WWOX: variants seen among roughly 807,000 people sequenced by gnomAD.
WWOX encodes WW domain-containing oxidoreductase.
In WWOX, 69 loss-of-function variants were observed where a neutral mutation model predicts 46.2. The observed-to-expected ratio is 1.49, with a 90% CI of 1.23 to 1.82. The LOEUF (loss-of-function observed/expected upper bound fraction) is 1.82, where lower values mean the gene tolerates loss of function less well. Ranked by LOEUF, WWOX falls within the 40% of genes most tolerant of loss-of-function variation. WWOX has a pLI of 0.00. For synonymous variants in WWOX, 359 were observed against 202.6 expected, an observed-to-expected ratio of 1.77 and a Z score of -6.56; for missense variants, 919 against 542.6, an observed-to-expected ratio of 1.69 and a Z score of -6.89.
At chr16:78,875,077 A>G (rs891094768) in intron 8 of WWOX, among the ~76,000 whole-genome samples, 2 of 152,124 alleles carry the variant, frequency 1.3e-5, no homozygotes, top group South Asian at 4.1e-4. Context: ...TCAACAAGCT[A>G]GCTCTTCCTG....
At chr16:78,742,950 AAG>A (rs1344762196) in intron 8 of WWOX, among the ~76,000 whole-genome samples, 1 of 152,068 alleles carries the variant, frequency 6.6e-6, no homozygotes, top group Non-Finnish European at 1.5e-5. Flanking sequence ...TGGCTTGTGG[AAG>A]AGTAAGAGGG....
chr16:78,144,470 T>TAC (rs2034113079), intron 4 of WWOX, among the ~76,000 whole-genome samples: 1 of 26,614 alleles, frequency 3.8e-5, no homozygotes, highest in African/African-American at 1.7e-4. Context: ...TATACACACA[T>TAC]ATATATATAT....
intron 5 of WWOX, among the ~76,000 whole-genome samples, chr16:78,374,527 ATTTTTTTTTTTTTTTTTTTTTTTTTT>A (rs541225697): frequency 1.4e-5 from 1 of 70,906 alleles, no homozygotes; most frequent in Non-Finnish European, 2.6e-5. Context: ...TCTGTCTTGA[ATTTTTTTTTTTTTTTTTTTTTTTTTT>A]TTTTTTTTTT....
intron 1 of WWOX, among the ~76,000 whole-genome samples, chr16:78,101,422 C>T (rs578001205): frequency 2.2e-4 from 32 of 144,602 alleles, no homozygotes; most frequent in Admixed American, 1.8e-3. Context: ...TCTCGGTTCA[C>T]TGCAACCTCT....
chr16:78,586,256 C>G (rs551486249), intron 8 of WWOX, among the ~76,000 whole-genome samples: 4 of 152,168 alleles, frequency 2.6e-5, no homozygotes, highest in African/African-American at 9.6e-5. Flanking sequence ...AAGATCATGC[C>G]ACTGCATTTC....
intron 8 of WWOX, among the ~76,000 whole-genome samples, chr16:79,091,300 A>C (rs1181799849): frequency 1.3e-5 from 2 of 151,146 alleles, no homozygotes; most frequent in African/African-American, 4.9e-5. Flanking sequence ...TTTTTTTCTC[A>C]CCTTTTGCTA....
chr16:79,109,250 G>A (rs2049369938), intron 8 of WWOX, among the ~76,000 whole-genome samples: 1 of 152,110 alleles, frequency 6.6e-6, no homozygotes, highest in Non-Finnish European at 1.5e-5. Context: ...ATCCACATCT[G>A]GGCAGTGTGC....
At chr16:78,922,618 A>G (rs1016803677) in intron 8 of WWOX, among the ~76,000 whole-genome samples, 1 of 152,104 alleles carries the variant, frequency 6.6e-6, no homozygotes, top group African/African-American at 2.4e-5. Context: ...ACCTTAGGTG[A>G]TCCCCTCACC....
At chr16:79,192,888 G>C (rs753652337) in intron 8 of WWOX, among the ~76,000 whole-genome samples, 1 of 152,188 alleles carries the variant, frequency 6.6e-6, no homozygotes, top group Non-Finnish European at 1.5e-5. Context: ...AGGGCCGCAG[G>C]ACTGAGGTTA....
chr16:78,848,491 G>C (rs2052357165), intron 8 of WWOX, among the ~76,000 whole-genome samples: 1 of 152,172 alleles, frequency 6.6e-6, no homozygotes, highest in Admixed American at 6.6e-5. Flanking sequence ...GGAGCGACTG[G>C]GCATGAGGTG....
intron 8 of WWOX, among the ~76,000 whole-genome samples, chr16:78,886,497 C>G (rs1348235029): frequency 6.6e-6 from 1 of 151,760 alleles, no homozygotes; most frequent in African/African-American, 2.4e-5. Flanking sequence ...GTACAAAATT[C>G]CGTATCTGAT....
intron 8 of WWOX, 143 bp from the exon 9 acceptor site, chr16:79,211,465 G>GCCCAGTACCCTTTGCTATGCCA: frequency 9.8e-7 from 1 of 1,024,918 alleles, no homozygotes; most frequent in Non-Finnish European, 1.5e-6. Context: ...TGTGCTTTCA[G>GCCCAGTACCCTTTGCTATGCCA]CCCAGTACCC....
At chr16:78,387,388 T>C (rs1018777223) in intron 6 of WWOX, among the ~76,000 whole-genome samples, 13 of 152,148 alleles carry the variant, frequency 8.5e-5, no homozygotes, top group African/African-American at 2.9e-4. Flanking sequence ...AAGCCTTCGA[T>C]GATTTGATGT....
chr16:78,917,297 G>A (rs771113985), intron 8 of WWOX, among the ~76,000 whole-genome samples: 32 of 152,246 alleles, frequency 2.1e-4, no homozygotes, highest in African/African-American at 6.3e-4. Context: ...TCAGAATTTC[G>A]TTATCAAAAG....
At chr16:79,137,924 G>GA (rs148984673) in intron 8 of WWOX, among the ~76,000 whole-genome samples, 137 of 149,424 alleles carry the variant, frequency 9.2e-4, no homozygotes, top group Middle Eastern at 6.9e-3. Flanking sequence ...ATCAGAGGAA[G>GA]AAAAAAAAAA....
At chr16:78,536,612 G>A (rs1353984969) in intron 8 of WWOX, among the ~76,000 whole-genome samples, 1 of 152,114 alleles carries the variant, frequency 6.6e-6, no homozygotes, top group Non-Finnish European at 1.5e-5. Context: ...CCCATTAAGT[G>A]TCAACATTGA....
chr16:78,600,031 C>T (rs2045583959), intron 8 of WWOX, among the ~76,000 whole-genome samples: 1 of 152,118 alleles, frequency 6.6e-6, no homozygotes. Context: ...GCCTCACAAC[C>T]ATGGTGGAAG....
chr16:79,071,418 C>G (rs1158621678), intron 8 of WWOX, among the ~76,000 whole-genome samples: 1 of 152,162 alleles, frequency 6.6e-6, no homozygotes, highest in African/African-American at 2.4e-5. Context: ...GTTTCTTCCC[C>G]CCTCATCTCT....
chr16:78,876,395 C>T (rs549405483), intron 8 of WWOX, among the ~76,000 whole-genome samples: 8 of 151,466 alleles, frequency 5.3e-5, no homozygotes, highest in Admixed American at 2.6e-4. Context: ...ATGAATTTTC[C>T]AAGACTCTGT....
Sources: allele counts gnomAD v4.1 joint callset (sites outside exome capture counted in the v4.1 genomes callset), GRCh38; gene constraint gnomAD v4.1.1; transcripts MANE v1.5; gene names NCBI Gene and HGNC (gene_info 2026-07-23, HGNC 2026-07-21).